TRPM3: variants seen among roughly 807,000 people sequenced by gnomAD.
The protein encoded by TRPM3 is long transient receptor potential channel 3.
Under a neutral mutation model 181.2 loss-of-function variants are expected in TRPM3, and 77 were observed. The observed-to-expected ratio is 0.42, with a 90% confidence interval of 0.35 to 0.51. The LOEUF is 0.51. Ranked by LOEUF, TRPM3 falls within the 20% of genes least tolerant of loss-of-function variation. The pLI is 0.01. For synonymous variants in TRPM3, 745 were observed against 796.4 expected, an observed-to-expected ratio of 0.94 and a Z score of 1.09; for missense variants, 1,759 against 2,196.7, an observed-to-expected ratio of 0.80 and a Z score of 3.98.
At chr9:71,036,424 T>C (rs1298215769) in intron 1 of TRPM3, among the ~76,000 whole-genome samples, 1 of 152,186 alleles carries the variant, frequency 6.6e-6, no homozygotes, top group Non-Finnish European at 1.5e-5. Flanking sequence ...CAAGCACATA[T>C]AAACTCAGCA....
chr9:70,814,683 AAGG>A (rs1245113701), intron 6 of TRPM3, among the ~76,000 whole-genome samples: 2 of 152,052 alleles, frequency 1.3e-5, no homozygotes, highest in Non-Finnish European at 2.9e-5. Context: ...TTTGTTTTAA[AAGG>A]AGAAGCGGAT....
intron 1 of TRPM3, among the ~76,000 whole-genome samples, chr9:71,240,503 T>C (rs2081600593): frequency 6.6e-6 from 1 of 152,198 alleles, no homozygotes; most frequent in African/African-American, 2.4e-5. Context: ...TATTACCAAA[T>C]AGCTTTGCTC....
intron 6 of TRPM3, among the ~76,000 whole-genome samples, chr9:70,807,849 G>A (rs1293712036): frequency 6.6e-6 from 1 of 152,152 alleles, no homozygotes; most frequent in Non-Finnish European, 1.5e-5. Flanking sequence ...GAGCTGGAGG[G>A]AATACTAGGG....
chr9:71,101,434 T>C (rs2068357190), intron 1 of TRPM3, among the ~76,000 whole-genome samples: 1 of 152,152 alleles, frequency 6.6e-6, no homozygotes, highest in South Asian at 2.1e-4. Flanking sequence ...AGACTGTTTC[T>C]AATGACCGAA....
chr9:71,066,564 A>C (rs1232366478), intron 1 of TRPM3, among the ~76,000 whole-genome samples: 1 of 152,182 alleles, frequency 6.6e-6, no homozygotes, highest in Non-Finnish European at 1.5e-5. Flanking sequence ...GTTTTGCAAC[A>C]GCTTAGAACA....
Position 71,420,977 on chromosome 9 carries a change from G to GAGAGAAAA in TRPM3, c.183+25675_183+25676insTTTTCTCT, listed in dbSNP as rs1563912413. On this transcript the variant is annotated intron_variant, in intron 1 of 24. Transcript: ENST00000357533. ...AGGGAGAGAAAAAGGGAGAGAAAAA[G>GAGAGAAAA]AGAGAGAAAAAGAGAGAGAAAAAGA... 3.9e-3 allele frequency among the ~76,000 whole-genome samples: 478 copies of GAGAGAAAA among 123,970 alleles called. 13 individuals carry two copies. Among genetic ancestry groups the GAGAGAAAA allele is most frequent in the East Asian group, 0.026 (109 of 4,114 alleles). 81.3% of individuals were successfully genotyped at this position (123,970 alleles called of 152,430 possible).
chr9:71,391,286 G>C (rs2093056010), intron 1 of TRPM3, among the ~76,000 whole-genome samples: 1 of 151,948 alleles, frequency 6.6e-6, no homozygotes, highest in Non-Finnish European at 1.5e-5. Flanking sequence ...GGAAACAGAA[G>C]ATAAAAAGAT....
chr9:71,254,161 G>A (rs190807986), intron 1 of TRPM3, among the ~76,000 whole-genome samples: 5 of 152,154 alleles, frequency 3.3e-5, no homozygotes, highest in African/African-American at 9.6e-5. Flanking sequence ...CTTGTGATCC[G>A]CCCACCTCAC....
chr9:71,134,012 TGTGCGCGTGCGCGC>T (rs1259491224), intron 1 of TRPM3, among the ~76,000 whole-genome samples: 1 of 131,426 alleles, frequency 7.6e-6, no homozygotes, highest in Non-Finnish European at 1.7e-5. Context: ...TGTGTGTGTG[TGTGCGCGTGCGCGC>T]GCGCGCGTGT....
intron 6 of TRPM3, chr9:70,811,308 CA>C: frequency 7.3e-7 from 1 of 1,362,002 alleles, no homozygotes; most frequent in Middle Eastern, 1.8e-4. Context: ...TTTATTAAAG[CA>C]GATGGATTAC....
At chr9:70,605,036 A>G (rs190826353) in intron 19 of TRPM3, among the ~76,000 whole-genome samples, 2 of 144,768 alleles carry the variant, frequency 1.4e-5, no homozygotes, top group Non-Finnish European at 3.0e-5. Flanking sequence ...GGCTTTCTGC[A>G]AACCTCTTCC....
chr9:71,231,503 A>G (rs2081048881), intron 1 of TRPM3, among the ~76,000 whole-genome samples: 1 of 152,114 alleles, frequency 6.6e-6, no homozygotes, highest in Non-Finnish European at 1.5e-5. Context: ...AAGACTTTTG[A>G]CCTCCAGAAT....
chr9:71,169,240 G>A (rs1029905608), intron 1 of TRPM3, among the ~76,000 whole-genome samples: 6 of 152,170 alleles, frequency 3.9e-5, no homozygotes, highest in Non-Finnish European at 8.8e-5. Context: ...TTTACAGGCA[G>A]TATGTATTCC....
At chr9:71,335,247 A>G (rs1307524078) in intron 1 of TRPM3, among the ~76,000 whole-genome samples, 2 of 152,146 alleles carry the variant, frequency 1.3e-5, no homozygotes, top group African/African-American at 4.8e-5. Flanking sequence ...TTGACTGACT[A>G]TTACAGATTT....
At chr9:71,234,374 C>T (rs1440143484) in intron 1 of TRPM3, among the ~76,000 whole-genome samples, 1 of 152,164 alleles carries the variant, frequency 6.6e-6, no homozygotes, top group Non-Finnish European at 1.5e-5. Flanking sequence ...TCATTGGAGG[C>T]CATCTTAGGA....
At chr9:70,750,237 A>G (rs2075890893) in intron 8 of TRPM3, among the ~76,000 whole-genome samples, 1 of 152,184 alleles carries the variant, frequency 6.6e-6, no homozygotes, top group Non-Finnish European at 1.5e-5. Flanking sequence ...GCAGAAGAGA[A>G]TCTTTTCCCA....
chr9:70,559,878 G>A (rs1266760062), intron 22 of TRPM3, among the ~76,000 whole-genome samples: 2 of 152,104 alleles, frequency 1.3e-5, no homozygotes, highest in East Asian at 1.9e-4. Context: ...TACTTGTGAC[G>A]AGGGACCATC....
chr9:71,409,862 A>C (rs536337966), intron 1 of TRPM3, among the ~76,000 whole-genome samples: 4 of 152,354 alleles, frequency 2.6e-5, no homozygotes, highest in African/African-American at 9.6e-5. Context: ...TTGGAAGTGA[A>C]GCACTCCTCA....
intron 8 of TRPM3, among the ~76,000 whole-genome samples, chr9:70,700,086 G>A (rs2071929016): frequency 6.6e-6 from 1 of 152,112 alleles, no homozygotes; most frequent in African/African-American, 2.4e-5. Flanking sequence ...GGGTTCAAGC[G>A]ATTCTCCTGC....
Sources: allele counts gnomAD v4.1 joint callset (sites outside exome capture counted in the v4.1 genomes callset), GRCh38; gene constraint gnomAD v4.1.1; transcripts MANE v1.5; gene names NCBI Gene and HGNC (gene_info 2026-07-23, HGNC 2026-07-21).